The following WDR70 variants were observed in gnomAD, a reference collection of about 807,000 sequenced individuals.
WDR70 encodes WD repeat-containing protein 70.
In WDR70, 53 loss-of-function variants were observed where a neutral mutation model predicts 88.6. The observed-to-expected ratio is 0.60, with a 90% CI of 0.48 to 0.75. The LOEUF is 0.75. WDR70 is among the 30% of genes least tolerant of loss of function. The pLI is 0.00. For synonymous variants in WDR70, 280 were observed against 270.0 expected (o/e 1.04, Z -0.36); for missense variants, 610 against 823.2 (o/e 0.74, Z 3.17).
intron 6 of WDR70, among the ~76,000 whole-genome samples, chr5:37,440,007 TTAATC>T (rs1277011203): frequency 6.6e-6 from 1 of 152,172 alleles, no homozygotes; most frequent in Non-Finnish European, 1.5e-5. Flanking sequence ...CAATAATTAT[TTAATC>T]TAATATCTCA....
intron 11 of WDR70, among the ~76,000 whole-genome samples, chr5:37,699,398 T>TACACACACGCAC (rs780835202): frequency 1.3e-5 from 1 of 74,092 alleles, no homozygotes; most frequent in Non-Finnish European, 3.2e-5. Flanking sequence ...TGTGTATATA[T>TACACACACGCAC]ATATACACAC....
At chr5:37,396,722 T>TC in intron 5 of WDR70, 152 bp downstream of exon 5, 1 of 1,333,164 alleles carries the variant, frequency 7.5e-7, no homozygotes. Flanking sequence ...TCCCAGTTAC[T>TC]TGGAAGGCTG....
intron 10 of WDR70, among the ~76,000 whole-genome samples, chr5:37,679,665 C>T (rs1034443713): frequency 3.9e-5 from 6 of 152,344 alleles, no homozygotes; most frequent in African/African-American, 1.2e-4. Flanking sequence ...CCCAGTTAGG[C>T]TGCTTGGGGG....
intron 17 of WDR70, among the ~76,000 whole-genome samples, chr5:37,749,840 A>C (rs567139544): frequency 4.0e-5 from 6 of 150,444 alleles, no homozygotes; most frequent in Admixed American, 6.6e-5. Context: ...GAAAAAAAAA[A>C]CCAAAAACGC....
At chr5:37,510,650 A>G (rs969788955) in intron 8 of WDR70, among the ~76,000 whole-genome samples, 2 of 152,220 alleles carry the variant, frequency 1.3e-5, no homozygotes, top group African/African-American at 2.4e-5. Context: ...ATCACATTTC[A>G]CATTCATGTT....
chr5:37,402,249 C>T (rs1457769056), intron 5 of WDR70, among the ~76,000 whole-genome samples: 1 of 150,580 alleles, frequency 6.6e-6, no homozygotes, highest in African/African-American at 2.5e-5. Flanking sequence ...TTTGTTACTG[C>T]ATGTGACATG....
intron 5 of WDR70, among the ~76,000 whole-genome samples, chr5:37,433,414 G>GT (rs969549133): frequency 2.0e-5 from 3 of 152,016 alleles, no homozygotes; most frequent in African/African-American, 4.8e-5. Flanking sequence ...TTAAACTTCT[G>GT]TTTTTTGGAA....
chr5:37,648,426 TAA>T (rs1745301498), intron 10 of WDR70, among the ~76,000 whole-genome samples: 1 of 152,086 alleles, frequency 6.6e-6, no homozygotes, highest in South Asian at 2.1e-4. Flanking sequence ...CAGTCCACTA[TAA>T]AGAGTGATGA....
chr5:37,592,135 AT>A lies in WDR70; in HGVS notation c.918-12926del, dbSNP rs563338038. Among the ~76,000 whole-genome samples the A allele has an allele frequency of 7.0e-3, 1,063 of 152,296 alleles. 12 individuals are homozygous for A. Among genetic ancestry groups the A allele is most frequent in the African/African-American group, 0.024 (1,013 of 41,566 alleles). ...GGGTTTGGGATTCAAATTGTGGAAT[AT>A]TTGCATATATGTAATGAGATGTCTT... On this transcript the variant is annotated intron_variant, in intron 9 of 17. Transcript: ENST00000265107.
chr5:37,522,803 G>T (rs865810603), intron 9 of WDR70, among the ~76,000 whole-genome samples: 8 of 152,330 alleles, frequency 5.3e-5, no homozygotes, highest in Middle Eastern at 3.4e-3. Context: ...TTTTCCAACG[G>T]TCTTAGCAAA....
In WDR70 at chr5:37,437,906, G is replaced by T; in HGVS notation, c.493-16G>T. 6.3e-7 allele frequency: 1 copy of T among 1,596,044 alleles called. No individual in the cohort carries two copies. The highest frequency in any genetic ancestry group is 8.5e-7 in the Non-Finnish European group (1 of 1,170,434). Reference sequence around the variant, plus strand: ...TGTTATTTTACCATTAATGTCATGGGGTTTTCTTGTTTCAGAATCCTGTTC... The same window carrying T: ...TGTTATTTTACCATTAATGTCATGGTGTTTTCTTGTTTCAGAATCCTGTTC... On this transcript the variant is annotated splice_polypyrimidine_tract_variant and intron_variant, in intron 5 of 17. Transcript: ENST00000265107.
chr5:37,404,229 G>T (rs1749285408), intron 5 of WDR70, among the ~76,000 whole-genome samples: 1 of 152,130 alleles, frequency 6.6e-6, no homozygotes, highest in South Asian at 2.1e-4. Flanking sequence ...TCACAGTCTA[G>T]TTGTGCTGTT....
chr5:37,661,816 T>A (rs1265119703), intron 10 of WDR70, among the ~76,000 whole-genome samples: 2 of 152,182 alleles, frequency 1.3e-5, no homozygotes, highest in Non-Finnish European at 2.9e-5. Context: ...TTTGCAATAG[T>A]GATGTTATTC....
At chr5:37,626,687 A>G (rs1355159450) in intron 10 of WDR70, among the ~76,000 whole-genome samples, 1 of 152,140 alleles carries the variant, frequency 6.6e-6, no homozygotes, top group Admixed American at 6.5e-5. Context: ...GTTTGGAAAG[A>G]ATTGGTATTA....
intron 9 of WDR70, among the ~76,000 whole-genome samples, chr5:37,531,427 T>C (rs1417632595): frequency 1.3e-5 from 2 of 152,212 alleles, no homozygotes; most frequent in East Asian, 3.9e-4. Context: ...TTAGGCCTAG[T>C]AGAATTGTTT....
At chr5:37,608,039 T>TC (rs2112481167) in intron 10 of WDR70, among the ~76,000 whole-genome samples, 1 of 20,412 alleles carries the variant, frequency 4.9e-5, no homozygotes, top group African/African-American at 1.5e-4. Context: ...TGCAACACTC[T>TC]TTTTTTTTTT....
chr5:37,414,926 G>GTGGCCTTC (rs1749651395), intron 5 of WDR70, among the ~76,000 whole-genome samples: 1 of 136,128 alleles, frequency 7.3e-6, no homozygotes, highest in African/African-American at 3.7e-5. Flanking sequence ...AGAGGACCCT[G>GTGGCCTTC]CGGCCTTCCG....
At chr5:37,564,439 A>G (rs1274934099) in intron 9 of WDR70, among the ~76,000 whole-genome samples, 3 of 152,062 alleles carry the variant, frequency 2.0e-5, no homozygotes, top group Admixed American at 2.0e-4. Flanking sequence ...AGGCAGGAGA[A>G]TCAGGCAGGG....
chr5:37,384,639 G>A (rs1349598161), intron 3 of WDR70, among the ~76,000 whole-genome samples: 26 of 113,032 alleles, frequency 2.3e-4, no homozygotes, highest in African/African-American at 8.6e-4. Flanking sequence ...CAGCCTGGGC[G>A]ACAGAGTGAG....
Sources: allele counts gnomAD v4.1 joint callset (sites outside exome capture counted in the v4.1 genomes callset), GRCh38; gene constraint gnomAD v4.1.1; transcripts MANE v1.5; gene names NCBI Gene and HGNC (gene_info 2026-07-23, HGNC 2026-07-21).